The following PSME4 variants were observed in gnomAD, a reference collection of about 807,000 sequenced individuals.
PSME4 encodes proteasome activator complex subunit 4.
A neutral mutation model predicts 253.9 loss-of-function variants in PSME4; 89 were observed. The observed-to-expected ratio is 0.35, with a 90% CI of 0.30 to 0.42. The LOEUF is 0.42. Among genes scored for constraint, PSME4 ranks in the 10% least tolerant of loss-of-function variants. The pLI is 1.00. For synonymous variants in PSME4, 851 were observed against 759.2 expected (o/e 1.12, Z -1.99); for missense variants, 2,014 against 2,195.2 (o/e 0.92, Z 1.65).
rs200668874 is a variant in PSME4 at position 53,949,260 on chromosome 2, T to G, written c.266A>C (p.Lys89Thr). 24 of 1,603,286 alleles carry G rather than the reference T, an allele frequency of 1.5e-5. No homozygotes were observed. In the East Asian group the frequency reaches 4.9e-4, roughly 33 times the overall value. The change falls in exon 2 of 47, where the codon AAA (lysine) becomes ACA (threonine). Residue 89 changes from lysine (K) to threonine (T), a missense_variant. Transcript: ENST00000404125. ...LSTYIRLYGR[K>T]FSKEDHVLFI... ...AAGAACATGATCTTCTTTGCTAAAT[T>G]TTCTCCCATAAAGTCGAATATATCT...
intron 7 of PSME4, 149 bp downstream of exon 7, chr2:53,935,938 G>C (rs912316148): frequency 2.6e-5 from 23 of 880,246 alleles, no homozygotes; most frequent in Middle Eastern, 3.5e-4. Flanking sequence ...CTGTCACCCA[G>C]GCTGGAGTGC....
In PSME4 at chr2:53,898,387, T is replaced by C. The variant is rs199821964; in HGVS notation, c.3423-33A>G. On this transcript the variant is annotated intron_variant, in intron 29 of 46. Coordinates refer to ENST00000404125, the MANE Select transcript of PSME4 (RefSeq NM_014614.3). ...AAAAAGGTGAGGTATTATTTTACTATAATACTAAAATGAACATCAAAAATA... is the reference window on the plus strand; with the variant it reads ...AAAAAGGTGAGGTATTATTTTACTACAATACTAAAATGAACATCAAAAATA... The C allele has an allele frequency of 7.1e-5, 104 of 1,469,798 alleles. No homozygotes were observed. The African/African-American group carries it at 1.4e-3, about 20-fold the overall frequency. The allele number at this position is 1,469,798 out of a possible 1,614,324, so 91.0% of individuals were successfully genotyped here. A position where few individuals can be genotyped will look rare whatever the true frequency, so the allele number is the denominator to read the frequency against.
chr2:53,906,930 G>A (rs535269384), intron 24 of PSME4, 62 bp from the exon 25 acceptor site: 21 of 1,466,320 alleles, frequency 1.4e-5, no homozygotes, highest in Non-Finnish European at 1.7e-5. Context: ...AACAATGGAT[G>A]CCTCTAAATA....
At chr2:53,900,921 T>G (rs1680368776) in intron 28 of PSME4, among the ~76,000 whole-genome samples, 1 of 152,226 alleles carries the variant, frequency 6.6e-6, no homozygotes, top group Admixed American at 6.5e-5. Flanking sequence ...TAAGCACCAC[T>G]GAAAGTTATA....
rs776397006 is a variant in PSME4 at position 53,908,832 on chromosome 2, G to C, written c.2581C>G (p.Arg861Gly). 3 of 1,586,340 alleles carry C rather than the reference G, an allele frequency of 1.9e-6. No homozygotes were observed. The highest frequency in any genetic ancestry group is 2.2e-5 in the South Asian group (2 of 89,322). The change falls in exon 22 of 47, where the codon CGA (arginine) becomes GGA (glycine). Residue 861 changes from arginine (R) to glycine (G), a missense_variant. This residue lies in a region of PSME4 where 989 missense variants were observed against 1,021.1 expected (regional missense o/e 0.97). Coordinates refer to ENST00000404125, the MANE Select transcript of PSME4 (RefSeq NM_014614.3). ...GCAATTACTTCTCGGTGGTTCTCTCGAGACAGATCTATTTTGAAAAAATAA... is the reference window on the plus strand; with the variant it reads ...GCAATTACTTCTCGGTGGTTCTCTCCAGACAGATCTATTTTGAAAAAATAA... ...LYTGLEYDLS[R>G]ENHREVIATV...
chr2:53,897,769 A>AT, intron 31 of PSME4, 101 bp downstream of exon 31: 1 of 1,297,646 alleles, frequency 7.7e-7, no homozygotes, highest in South Asian at 1.4e-5. Context: ...ACACTTCAAG[A>AT]TATTTATTAA....
chr2:53,919,100 T>C (rs775342397), intron 20 of PSME4, 51 bp downstream of exon 20: 6 of 1,526,984 alleles, frequency 3.9e-6, no homozygotes, highest in Non-Finnish European at 4.5e-6. Flanking sequence ...ACTCATTAAG[T>C]GACTAAGACT....
Position 53,937,672 on chromosome 2 carries a change from G to A in PSME4, c.546-132C>T, listed in dbSNP as rs907090438. The A allele has an allele frequency of 1.7e-5, 14 of 802,458 alleles. No individual in the cohort carries two copies. The African/African-American group carries it at 2.5e-4, about 14-fold the overall frequency. The allele number at this position is 802,458 out of a possible 1,614,324, so 49.7% of individuals were successfully genotyped here. Reference sequence around the variant, plus strand: ...ATAGCATGTAACACAGTCTACAAATGTCCAAACTAACACACATTTTCACAA... The same window carrying A: ...ATAGCATGTAACACAGTCTACAAATATCCAAACTAACACACATTTTCACAA... On this transcript the variant is annotated intron_variant, in intron 4 of 46. Coordinates refer to ENST00000404125, the MANE Select transcript of PSME4 (RefSeq NM_014614.3).
intron 20 of PSME4, among the ~76,000 whole-genome samples, chr2:53,913,831 C>T: frequency 6.6e-6 from 1 of 152,150 alleles, no homozygotes; most frequent in South Asian, 2.1e-4. Context: ...TAAATGAAAA[C>T]AGTCAGAAGG....
intron 2 of PSME4, 128 bp from the exon 3 acceptor site, chr2:53,948,665 G>A (rs774493711): frequency 3.0e-6 from 2 of 659,850 alleles, no homozygotes; most frequent in African/African-American, 1.8e-5. Context: ...CCCCATCCAT[G>A]GCCACTCACT....
Position 53,887,484 on chromosome 2 carries a change from TTAATAA to T in PSME4, c.4521-23_4521-18del. The T allele has an allele frequency of 6.3e-7, 1 of 1,587,338 alleles. No individual in the cohort carries two copies. The highest frequency in any genetic ancestry group is 8.6e-7 in the Non-Finnish European group (1 of 1,159,740). ...GTCAGCACACTGCAAAATAAAATACTTAATAATAGGAAGAGGTGCCACATTATAAAT... is the reference window on the plus strand; with the variant it reads ...GTCAGCACACTGCAAAATAAAATACTTAGGAAGAGGTGCCACATTATAAAT... On this transcript the variant is annotated intron_variant, in intron 39 of 46. Transcript: ENST00000404125.
chr2:53,970,925 C>T lies in PSME4; in HGVS notation c.-141G>A. Reference sequence around the variant, plus strand: ...GCCCTCGGACCGATCGCTAGGCCCCCTTCCCTGGCCGGCGTGCTGCTGGGC... The same window carrying T: ...GCCCTCGGACCGATCGCTAGGCCCCTTTCCCTGGCCGGCGTGCTGCTGGGC... On this transcript the variant is annotated 5_prime_UTR_variant, in exon 1 of 47. Transcript: ENST00000404125. The T allele has an allele frequency of 1.5e-6, 1 of 656,486 alleles. No individual in the cohort carries two copies. The highest frequency in any genetic ancestry group is 2.3e-6 in the Non-Finnish European group (1 of 428,622). The allele number at this position is 656,486 out of a possible 1,614,324, so 40.7% of individuals were successfully genotyped here.
At chr2:53,899,784 C>T (rs1262848806) in intron 29 of PSME4, 97 bp downstream of exon 29, 1 of 1,433,332 alleles carries the variant, frequency 7.0e-7, no homozygotes. Flanking sequence ...TCTCACTGTA[C>T]TCCAGCCTGG....
Position 53,925,991 on chromosome 2 carries a change from T to C in PSME4, c.1626A>G (p.Glu542=). 2 of 1,613,620 alleles carry C rather than the reference T, an allele frequency of 1.2e-6. No homozygotes were observed. Among genetic ancestry groups the C allele is most frequent in the Non-Finnish European group, 8.5e-7 (1 of 1,179,524 alleles). The change falls in exon 13 of 47, where the codon GAA becomes GAG. Residue 542 remains glutamate, a synonymous_variant. Transcript: ENST00000404125. The stretch of plus-strand genomic sequence containing the variant: ...TAAACTGTAAGACGAAATCCTCAAA[T>C]TCAGCTGTGGCTGAACAAAGTTCTC... ...VERELCSATA[E]FEDFVLQFMD...
intron 14 of PSME4, among the ~76,000 whole-genome samples, chr2:53,923,744 G>A (rs1206784330): frequency 5.3e-5 from 8 of 151,854 alleles, no homozygotes; most frequent in Admixed American, 4.6e-4. Flanking sequence ...CCAACATGGC[G>A]AAACCCTGTC....
intron 43 of PSME4, 79 bp from the exon 44 acceptor site, chr2:53,869,617 C>T: frequency 8.2e-7 from 1 of 1,219,848 alleles, no homozygotes; most frequent in East Asian, 2.4e-5. Context: ...AGTGTGGGAA[C>T]TGGGGTGAAG....
chr2:53,963,009 C>CA (rs34743937), intron 1 of PSME4, among the ~76,000 whole-genome samples: 1,276 of 94,880 alleles, frequency 0.013, 30 homozygotes, highest in African/African-American at 0.043. Context: ...GACTCAGTGT[C>CA]AAAAAAAAAA....
rs777422169 is a variant in PSME4 at position 53,869,396 on chromosome 2, C to T, written c.5243G>A (p.Gly1748Glu). 3.1e-6 allele frequency: 5 copies of T among 1,609,820 alleles called. No individual in the cohort carries two copies. In the South Asian group the frequency reaches 5.5e-5, roughly 18 times the overall value. Residue 1748 changes from glycine to glutamate, a missense_variant, in exon 44 of 47, where the codon GGA becomes GAA. This residue lies in a region of PSME4 where 403 missense variants were observed against 556.1 expected (regional missense o/e 0.72). Coordinates refer to ENST00000404125, the MANE Select transcript of PSME4 (RefSeq NM_014614.3). ...GTTACCTGCAGAAGGAATGGTATCT[C>T]CTACAGAACCAGGGTCTCGCTTTCT... ...KKRKRDPGSVGDTIPSAELVK... is the reference protein window; with the variant it reads ...KKRKRDPGSVEDTIPSAELVK...
At chr2:53,935,079 A>G (rs951403127) in intron 7 of PSME4, among the ~76,000 whole-genome samples, 1 of 152,154 alleles carries the variant, frequency 6.6e-6, no homozygotes, top group South Asian at 2.1e-4. Context: ...CAAATGCACA[A>G]ATAATTTTTC....
Sources: gnomAD v4.1 joint callset for allele counts (sites outside exome capture counted in the v4.1 genomes callset) on GRCh38, gnomAD v4.1.1 for gene constraint, gnomAD v4.1.1 regional missense constraint, MANE v1.5 for transcripts, NCBI Gene and HGNC (gene_info 2026-07-23, HGNC 2026-07-21) for gene names.